Variants in UNC5C observed in about 807,000 individuals in gnomAD.
UNC5C encodes the protein netrin receptor UNC5C.
UNC5C carries 47 observed loss-of-function variants against 99.8 expected under a neutral mutation model. That is an observed-to-expected ratio of 0.47 (90% CI 0.37 to 0.60). UNC5C has a LOEUF of 0.60. Among genes scored for constraint, UNC5C ranks in the 20% least tolerant of loss-of-function variants. The probability of loss-of-function intolerance (pLI) is 0.00; values close to 1 mark genes in which losing one functional copy is unlikely to be tolerated. For synonymous variants in UNC5C, 487 were observed against 452.2 expected (o/e 1.08, Z -0.98); for missense variants, 1,062 against 1,165.9 (o/e 0.91, Z 1.30).
intron 1 of UNC5C, among the ~76,000 whole-genome samples, chr4:95,367,292 A>C (rs2149437379): frequency 6.7e-6 from 1 of 149,618 alleles, no homozygotes; most frequent in Admixed American, 6.8e-5. Flanking sequence ...CCTTAGCCTC[A>C]CAAGTAGTTG....
In UNC5C at chr4:95,166,254, T is replaced by TA. The variant is rs1305372083; in HGVS notation, c.*2979dup. On this transcript the variant is annotated 3_prime_UTR_variant, in exon 16 of 16. Transcript: ENST00000453304. ...AGTGGCTTCCTATGAAATGAACTGTTATATCTGGACCTTCTAAGTTTGAAA... is the reference window on the plus strand; with the variant it reads ...AGTGGCTTCCTATGAAATGAACTGTTAATATCTGGACCTTCTAAGTTTGAAA... 6.6e-6 allele frequency: 1 copy of TA among 152,242 alleles called. No homozygotes were observed. Among genetic ancestry groups the TA allele is most frequent in the African/African-American group, 2.4e-5 (1 of 41,462 alleles). 9.4% of individuals were successfully genotyped at this position (152,242 alleles called of 1,614,324 possible). A position where few individuals can be genotyped will look rare whatever the true frequency, so the allele number is the denominator to read the frequency against.
intron 1 of UNC5C, among the ~76,000 whole-genome samples, chr4:95,547,319 C>A (rs1252780924): frequency 6.6e-6 from 1 of 152,044 alleles, no homozygotes; most frequent in African/African-American, 2.4e-5. Flanking sequence ...ATTCACAAAG[C>A]CTTGCTAATC....
intron 14 of UNC5C, among the ~76,000 whole-genome samples, chr4:95,178,169 A>C (rs1328779438): frequency 6.6e-6 from 1 of 152,126 alleles, no homozygotes; most frequent in Non-Finnish European, 1.5e-5. Context: ...CCGTGACTTG[A>C]CCTGACTCAT....
At chr4:95,230,004 T>G (rs1037545908) in intron 7 of UNC5C, among the ~76,000 whole-genome samples, 1 of 151,842 alleles carries the variant, frequency 6.6e-6, no homozygotes, top group Non-Finnish European at 1.5e-5. Flanking sequence ...TAGAAATGGA[T>G]TTCACCATGT....
At chr4:95,246,958 T>G (rs1218147512) in intron 5 of UNC5C, among the ~76,000 whole-genome samples, 2 of 151,742 alleles carry the variant, frequency 1.3e-5, no homozygotes, top group Non-Finnish European at 2.9e-5. Flanking sequence ...GGGAGGATCA[T>G]TTGAACTCAG....
intron 12 of UNC5C, among the ~76,000 whole-genome samples, chr4:95,193,237 T>TA (rs1194950528): frequency 6.6e-5 from 10 of 152,172 alleles, no homozygotes; most frequent in African/African-American, 1.9e-4. Context: ...TGGAGGTAGC[T>TA]ACTGAGGGAA....
chr4:95,438,879 T>C (rs1746866638), intron 1 of UNC5C, among the ~76,000 whole-genome samples: 1 of 152,178 alleles, frequency 6.6e-6, no homozygotes, highest in African/African-American at 2.4e-5. Context: ...TTTCCAGAAA[T>C]GAGCCTCTAG....
intron 1 of UNC5C, among the ~76,000 whole-genome samples, chr4:95,409,685 G>A (rs1330135501): frequency 6.6e-6 from 1 of 152,076 alleles, no homozygotes; most frequent in Non-Finnish European, 1.5e-5. Context: ...ATGTCTCTTG[G>A]ACAGGCCCTC....
At chr4:95,395,598 T>A (rs1394911881) in intron 1 of UNC5C, among the ~76,000 whole-genome samples, 1 of 152,212 alleles carries the variant, frequency 6.6e-6, no homozygotes, top group Non-Finnish European at 1.5e-5. Flanking sequence ...GCTGCTCTAA[T>A]GAAAATAAAG....
chr4:95,486,920 G>C (rs1391772556), intron 1 of UNC5C, among the ~76,000 whole-genome samples: 3 of 151,742 alleles, frequency 2.0e-5, no homozygotes, highest in East Asian at 2.0e-4. Flanking sequence ...AGGTATTTAG[G>C]TCATCAGGGC....
At chr4:95,450,416 T>C (rs1282447407) in intron 1 of UNC5C, among the ~76,000 whole-genome samples, 1 of 152,140 alleles carries the variant, frequency 6.6e-6, no homozygotes, top group Non-Finnish European at 1.5e-5. Context: ...AGAGAGTGTG[T>C]GTCACTATGA....
intron 3 of UNC5C, among the ~76,000 whole-genome samples, chr4:95,285,827 T>G (rs898321799): frequency 6.6e-6 from 1 of 152,176 alleles, no homozygotes; most frequent in Admixed American, 6.5e-5. Flanking sequence ...GGTATGTGTC[T>G]AGTGGATCAT....
Position 95,537,695 on chromosome 4 carries a change from A to G in UNC5C, c.124+11039T>C, listed in dbSNP as rs537067218. On this transcript the variant is annotated intron_variant, in intron 1 of 15. Transcript: ENST00000453304. ...GATAATATGGGTGTGTCAAACTTCA[A>G]TTTCATTTCAGACAGCAATAATGCA... Among the ~76,000 whole-genome samples the G allele has an allele frequency of 2.0e-4, 31 of 151,978 alleles. 2 individuals are homozygous for G. In the South Asian group the frequency reaches 6.3e-3, roughly 31 times the overall value.
At chr4:95,352,865 T>C (rs1197056505) in intron 1 of UNC5C, among the ~76,000 whole-genome samples, 1 of 152,168 alleles carries the variant, frequency 6.6e-6, no homozygotes, top group Non-Finnish European at 1.5e-5. Context: ...CTAGATTTTC[T>C]TCTCTCAACT....
At chr4:95,518,259 G>A (rs184656875) in intron 1 of UNC5C, among the ~76,000 whole-genome samples, 63 of 152,062 alleles carry the variant, frequency 4.1e-4, no homozygotes, top group Admixed American at 2.7e-3. Context: ...AATAAATCAT[G>A]GACTATCTAG....
chr4:95,176,095 A>G (rs1736330367), intron 14 of UNC5C, among the ~76,000 whole-genome samples: 1 of 150,830 alleles, frequency 6.6e-6, no homozygotes, highest in Non-Finnish European at 1.5e-5. Context: ...CAGCTCCATC[A>G]GCTCCTTTAA....
intron 1 of UNC5C, among the ~76,000 whole-genome samples, chr4:95,503,582 T>C (rs1721834703): frequency 6.6e-6 from 1 of 152,148 alleles, no homozygotes; most frequent in Non-Finnish European, 1.5e-5. Context: ...TAATATCATC[T>C]GGCTGCCATC....
intron 1 of UNC5C, among the ~76,000 whole-genome samples, chr4:95,373,169 C>T (rs777593678): frequency 1.3e-5 from 2 of 152,120 alleles, no homozygotes; most frequent in African/African-American, 4.8e-5. Context: ...GCAACTATCC[C>T]GCAACAGCCA....
At chr4:95,418,750 T>TA (rs1241266962) in intron 1 of UNC5C, among the ~76,000 whole-genome samples, 6 of 152,214 alleles carry the variant, frequency 3.9e-5, no homozygotes, top group African/African-American at 1.4e-4. Context: ...TCAGTGGTAA[T>TA]AAAAAAATAT....
Sources: allele counts gnomAD v4.1 joint callset (sites outside exome capture counted in the v4.1 genomes callset), GRCh38; gene constraint gnomAD v4.1.1; transcripts MANE v1.5; gene names NCBI Gene and HGNC (gene_info 2026-07-23, HGNC 2026-07-21).